SPIC: variants seen among roughly 807,000 people sequenced by gnomAD.
SPIC encodes the protein transcription factor Spi-C.
In SPIC, 9 loss-of-function variants were observed where a neutral mutation model predicts 16.7. That is an observed-to-expected ratio of 0.54 (90% CI 0.33 to 0.94). The LOEUF (loss-of-function observed/expected upper bound fraction) is 0.94. SPIC is among the 40% of genes least tolerant of loss of function. SPIC has a pLI of 0.03. For synonymous variants in SPIC, 97 were observed against 102.9 expected, an observed-to-expected ratio of 0.94 and a Z score of 0.35; for missense variants, 241 against 285.8, an observed-to-expected ratio of 0.84 and a Z score of 1.13.
At chr12:101,478,294 G>A (rs1179649786) in intron 3 of SPIC, among the ~76,000 whole-genome samples, 1 of 152,030 alleles carries the variant, frequency 6.6e-6, no homozygotes, top group Non-Finnish European at 1.5e-5. Context: ...GCCTCCCAAA[G>A]CGCTGGGATT....
In SPIC at chr12:101,483,404, A is replaced by T. The variant is rs76854931; in HGVS notation, c.319+504A>T. 4.6e-3 allele frequency among the ~76,000 whole-genome samples: 695 copies of T among 152,172 alleles called. 10 individuals carry two copies. The highest frequency in any genetic ancestry group is 0.016 in the African/African-American group (676 of 41,522). On this transcript the variant is annotated intron_variant, in intron 5 of 5. Coordinates refer to ENST00000551346, the MANE Select transcript of SPIC (RefSeq NM_152323.3). Reference sequence around the variant, plus strand: ...TAGAGCTGTCATCTCCTATGATAACAGCGCCTTCTGGAATACCTGTTGAAG... The same window carrying T: ...TAGAGCTGTCATCTCCTATGATAACTGCGCCTTCTGGAATACCTGTTGAAG...
chr12:101,479,364 C>T (rs192356747), intron 3 of SPIC, among the ~76,000 whole-genome samples: 3 of 141,980 alleles, frequency 2.1e-5, no homozygotes, highest in South Asian at 4.6e-4. Flanking sequence ...AGAAATCATG[C>T]GGTTTCAGCC....
chr12:101,476,649 C>A (rs7978858), intron 1 of SPIC, among the ~76,000 whole-genome samples, 179 bp from the exon 2 acceptor site: 62,683 of 151,674 alleles, frequency 0.41, 14,998 homozygotes, highest in Middle Eastern at 0.58. Flanking sequence ...CATGGAAAAG[C>A]AAAAAGAAAT....
Position 101,485,585 on chromosome 12 carries a change from G to C in SPIC, c.320-759G>C, listed in dbSNP as rs145771678. 9.9e-5 allele frequency among the ~76,000 whole-genome samples: 15 copies of C among 152,098 alleles called. No homozygotes were observed. The East Asian group carries it at 2.9e-3, about 29-fold the overall frequency. On this transcript the variant is annotated intron_variant, in intron 5 of 5. Coordinates refer to ENST00000551346, the MANE Select transcript of SPIC (RefSeq NM_152323.3). ...AACCCAGAGTTAGCACTTTTACCTAGGTCTTCGGTATTAATTTCCTTAATA... is the reference window on the plus strand; with the variant it reads ...AACCCAGAGTTAGCACTTTTACCTACGTCTTCGGTATTAATTTCCTTAATA...
chr12:101,482,905 G>T lies in SPIC; in HGVS notation c.319+5G>T, dbSNP rs745633220. On this transcript the variant is annotated splice_donor_5th_base_variant and intron_variant, in intron 5 of 5. Coordinates refer to ENST00000551346, the MANE Select transcript of SPIC (RefSeq NM_152323.3). ...TCCAGCAAAAGGGGGGAAAAGGTAC[G>T]TTGATCCATCATTCGTTATACAGGT... The T allele has an allele frequency of 6.2e-7, 1 of 1,611,630 alleles. No individual in the cohort carries two copies. Among genetic ancestry groups the T allele is most frequent in the South Asian group, 1.1e-5 (1 of 90,962 alleles).
Position 101,486,703 on chromosome 12 carries a change from A to G in SPIC, c.679A>G (p.Asn227Asp), listed in dbSNP as rs199967747. Residue 227 changes from asparagine (N) to aspartate (D), a missense_variant, in exon 6 of 6, where the codon AAT becomes GAT. Asn to Asp is a conservative substitution (Grantham distance 23). Transcript: ENST00000551346. ...VQPDQEYLSL[N>D]NWNANYNYTY... ...ACCTGATCAAGAATATCTCAGTTTA[A>G]ATAACTGGAATGCAAATTATAATTA... The G allele has an allele frequency of 1.7e-5, 28 of 1,607,484 alleles. No homozygotes were observed. Among genetic ancestry groups the G allele is most frequent in the Non-Finnish European group, 2.4e-5 (28 of 1,175,970 alleles).
intron 2 of SPIC, 63 bp downstream of exon 2, chr12:101,476,970 T>G (rs982320203): frequency 3.7e-5 from 42 of 1,120,352 alleles, no homozygotes; most frequent in Non-Finnish European, 5.1e-5. Context: ...GCATAATAAT[T>G]AAAAAACTTT....
In SPIC at chr12:101,475,373, A is replaced by T. The variant is rs1177563795; in HGVS notation, c.-207A>T. On this transcript the variant is annotated 5_prime_UTR_variant, in exon 1 of 6. Coordinates refer to ENST00000551346, the MANE Select transcript of SPIC (RefSeq NM_152323.3). Reference sequence around the variant, plus strand: ...TTAACAATTCTAATTTTTAAAAAAAATATTACTATTTTTTTTCATCAGAGC... The same window carrying T: ...TTAACAATTCTAATTTTTAAAAAAATTATTACTATTTTTTTTCATCAGAGC... The T allele has an allele frequency of 2.6e-5, 4 of 152,148 alleles. No individual in the cohort carries two copies. The highest frequency in any genetic ancestry group is 4.4e-5 in the Non-Finnish European group (3 of 68,038). The allele number at this position is 152,148 out of a possible 1,614,324, so 9.4% of individuals were successfully genotyped here.
At chr12:101,485,961 G>C (rs1432309463) in intron 5 of SPIC, among the ~76,000 whole-genome samples, 2 of 152,132 alleles carry the variant, frequency 1.3e-5, no homozygotes, top group African/African-American at 4.8e-5. Flanking sequence ...GTGCCACCCT[G>C]CCTGGCTAAT....
chr12:101,481,398 C>T (rs1180218758), intron 4 of SPIC, among the ~76,000 whole-genome samples: 2 of 152,094 alleles, frequency 1.3e-5, no homozygotes, highest in African/African-American at 2.4e-5. Flanking sequence ...GGCCGTAGTG[C>T]AATGGCACCA....
At chr12:101,477,054 A>T in intron 2 of SPIC, 147 bp downstream of exon 2, 1 of 451,302 alleles carries the variant, frequency 2.2e-6, no homozygotes, top group Non-Finnish European at 3.8e-6. Context: ...TAGTTTGCAA[A>T]GCAATTCAAT....
intron 3 of SPIC, among the ~76,000 whole-genome samples, chr12:101,478,040 T>C (rs1271444961): frequency 4.7e-5 from 7 of 150,084 alleles, no homozygotes; most frequent in African/African-American, 7.3e-5. Flanking sequence ...TTTCTTTTTT[T>C]TTTTTTTTTG....
In SPIC at chr12:101,486,871, G is replaced by A; in HGVS notation, c.*100G>A. The A allele has an allele frequency of 1.4e-5, 15 of 1,066,456 alleles. No homozygotes were observed. The highest frequency in any genetic ancestry group is 6.5e-5 in the South Asian group (3 of 46,432). 66.1% of individuals were successfully genotyped at this position (1,066,456 alleles called of 1,614,324 possible). A position where few individuals can be genotyped will look rare whatever the true frequency, so the allele number is the denominator to read the frequency against. ...TTTTTTCCTCCTCTGAAGAAATTTAGGATTTTTCTCTTAAAGCAAATACTA... is the reference window on the plus strand; with the variant it reads ...TTTTTTCCTCCTCTGAAGAAATTTAAGATTTTTCTCTTAAAGCAAATACTA... On this transcript the variant is annotated 3_prime_UTR_variant, in exon 6 of 6. Transcript: ENST00000551346.
At chr12:101,484,731 G>A (rs1234308322) in intron 5 of SPIC, among the ~76,000 whole-genome samples, 2 of 151,680 alleles carry the variant, frequency 1.3e-5, no homozygotes, top group Non-Finnish European at 2.9e-5. Flanking sequence ...AGCACTTCGG[G>A]AGACTGAGGC....
At position 101,479,245 on chromosome 12, in the gene SPIC, A is replaced by AAGAAG. The variant is rs994034373; in HGVS notation, c.98-337_98-336insAGAAG. On this transcript the variant is annotated intron_variant, in intron 3 of 5. Transcript: ENST00000551346. The stretch of plus-strand genomic sequence containing the variant: ...GAAGGAAAGAAAGAAAGAAAGAAAA[A>AAGAAG]GAAAGAAAGAAGGAAGGAAAGAAAG... Among the ~76,000 whole-genome samples the AAGAAG allele has an allele frequency of 2.8e-4, 29 of 104,234 alleles. 1 individual carries two copies. The highest frequency in any genetic ancestry group is 6.2e-4 in the South Asian group (2 of 3,224). The allele number at this position is 104,234 out of a possible 152,430, so 68.4% of individuals were successfully genotyped here.
chr12:101,476,856 T>C lies in SPIC; in HGVS notation c.-49T>C. ...TGTCAACTTATTTTATTTTATTTTC[T>C]TCAAGCAACAATTGCTAAGGAACAG... On this transcript the variant is annotated 5_prime_UTR_variant, in exon 2 of 6. Coordinates refer to ENST00000551346, the MANE Select transcript of SPIC (RefSeq NM_152323.3). 1 of 1,304,236 alleles carries C rather than the reference T, an allele frequency of 7.7e-7. No individual in the cohort carries two copies. Among genetic ancestry groups the C allele is most frequent in the Non-Finnish European group, 1.0e-6 (1 of 974,474 alleles). 80.8% of individuals were successfully genotyped at this position (1,304,236 alleles called of 1,614,324 possible). A position where few individuals can be genotyped will look rare whatever the true frequency, so the allele number is the denominator to read the frequency against.
intron 4 of SPIC, among the ~76,000 whole-genome samples, chr12:101,481,706 G>T (rs1593492765): frequency 6.6e-6 from 1 of 151,354 alleles, no homozygotes; most frequent in South Asian, 2.1e-4. Flanking sequence ...TAGAGACAGG[G>T]TTTTACCATG....
intron 3 of SPIC, among the ~76,000 whole-genome samples, chr12:101,479,242 A>AAAAGAAAG (rs1555208988): frequency 2.2e-4 from 10 of 45,028 alleles, no homozygotes; most frequent in Admixed American, 8.4e-4. Flanking sequence ...GAAAGAAAGA[A>AAAAGAAAG]AAAGAAAGAA....
intron 1 of SPIC, among the ~76,000 whole-genome samples, chr12:101,475,908 A>T (rs991682462): frequency 6.6e-6 from 1 of 151,552 alleles, no homozygotes; most frequent in Admixed American, 6.6e-5. Flanking sequence ...ACATGATGTA[A>T]TGATTTCAAA....
Sources: gnomAD v4.1 joint callset for allele counts (sites outside exome capture counted in the v4.1 genomes callset) on GRCh38, gnomAD v4.1.1 for gene constraint, MANE v1.5 for transcripts, NCBI Gene and HGNC (gene_info 2026-07-23, HGNC 2026-07-21) for gene names.